SLC7A8: variants seen among roughly 807,000 people sequenced by gnomAD.
SLC7A8 encodes large neutral amino acids transporter small subunit 2.
A neutral mutation model predicts 51.2 loss-of-function variants in SLC7A8; 30 were observed. That is an observed-to-expected ratio of 0.59 (90% confidence interval 0.44 to 0.80). SLC7A8 has a LOEUF of 0.80. Among genes scored for constraint, SLC7A8 ranks in the 30% least tolerant of loss-of-function variants. The pLI is 0.00. For missense variants in SLC7A8, 612 were observed against 674.4 expected, an observed-to-expected ratio of 0.91 and a Z score of 1.03; for synonymous variants, 257 against 275.8, an observed-to-expected ratio of 0.93 and a Z score of 0.67.
intron 9 of SLC7A8, 25 bp downstream of exon 9, chr14:23,129,625 G>A (rs1411872008): frequency 6.2e-7 from 1 of 1,611,842 alleles, no homozygotes; most frequent in Non-Finnish European, 8.5e-7. Flanking sequence ...GAAGGGGAGG[G>A]GACCCCAAAG....
intron 3 of SLC7A8, among the ~76,000 whole-genome samples, chr14:23,164,217 A>C (rs2048937569): frequency 6.6e-6 from 1 of 152,254 alleles, no homozygotes; most frequent in South Asian, 2.1e-4. Context: ...TAGAAAACTC[A>C]TCAAGGGCAG....
At chr14:23,178,286 G>A (rs1877009101) in intron 1 of SLC7A8, among the ~76,000 whole-genome samples, 1 of 152,210 alleles carries the variant, frequency 6.6e-6, no homozygotes, top group South Asian at 2.1e-4. Context: ...ACTTTGGGGG[G>A]AACTCCACGT....
chr14:23,129,963 C>T (rs1366920414), intron 8 of SLC7A8, 164 bp from the exon 9 acceptor site: 2 of 677,596 alleles, frequency 3.0e-6, no homozygotes, highest in Non-Finnish European at 4.9e-6. Flanking sequence ...TATGTTACAA[C>T]ATCTTTATTG....
rs1555305763 is a variant in SLC7A8 at position 23,165,612 on chromosome 14, A to AACG, written c.357-177_357-176insCGT. Among the ~76,000 whole-genome samples the AACG allele has an allele frequency of 6.6e-6, 1 of 152,140 alleles. No individual in the cohort carries two copies. The highest frequency in any genetic ancestry group is 1.5e-5 in the Non-Finnish European group (1 of 68,052). The stretch of plus-strand genomic sequence containing the variant: ...CTCTGCAGTGACAATAAAATGGTTT[A>AACG]ATGAAGAGTTAAATTTCCACAAGCA... On this transcript the variant is annotated intron_variant, in intron 2 of 10. Transcript: ENST00000316902. The surrounding 1 kb of genome is among the most constrained non-coding windows in gnomAD (Gnocchi z 4.2).
In SLC7A8 at chr14:23,126,805, T is replaced by G. The variant is rs75155946; in HGVS notation, c.*372A>C. ...CCCCCACAATGCAGCTCCTGTGGCC[T>G]CTCCTCTCTGAAGGGGCCTCCCTGG... On this transcript the variant is annotated 3_prime_UTR_variant, in exon 11 of 11. Coordinates refer to ENST00000316902, the MANE Select transcript of SLC7A8 (RefSeq NM_012244.4). 5.0e-4 allele frequency: 142 copies of G among 284,220 alleles called. No individual in the cohort carries two copies. The East Asian group carries it at 0.011, about 22-fold the overall frequency. 17.6% of individuals were successfully genotyped at this position (284,220 alleles called of 1,614,324 possible). A position where few individuals can be genotyped will look rare whatever the true frequency, so the allele number is the denominator to read the frequency against.
At chr14:23,127,691 C>T (rs560752944) in intron 10 of SLC7A8, among the ~76,000 whole-genome samples, 3 of 152,192 alleles carry the variant, frequency 2.0e-5, no homozygotes, top group Non-Finnish European at 4.4e-5. Context: ...CTATGTCGAC[C>T]AGGCTGGTCT....
At chr14:23,178,053 C>T (rs1450960625) in intron 1 of SLC7A8, among the ~76,000 whole-genome samples, 1 of 152,142 alleles carries the variant, frequency 6.6e-6, no homozygotes, top group Non-Finnish European at 1.5e-5. Context: ...GTTGTGTGAC[C>T]TTCAGCAAAG....
At chr14:23,131,966 T>C (rs1293924751) in intron 7 of SLC7A8, among the ~76,000 whole-genome samples, 1 of 151,948 alleles carries the variant, frequency 6.6e-6, no homozygotes, top group Non-Finnish European at 1.5e-5. Context: ...ACACTGGGAC[T>C]GAACTGCATA....
intron 6 of SLC7A8, among the ~76,000 whole-genome samples, chr14:23,138,632 C>G (rs1168427523): frequency 1.3e-5 from 2 of 152,200 alleles, no homozygotes; most frequent in Admixed American, 6.5e-5. Context: ...GAATGAGCCC[C>G]TCCTTAGTCT....
intron 7 of SLC7A8, among the ~76,000 whole-genome samples, chr14:23,133,440 C>CAA (rs10577714): frequency 3.2e-4 from 30 of 93,018 alleles, no homozygotes; most frequent in African/African-American, 8.7e-4. Context: ...GAACCTGTCT[C>CAA]AAAAAAAAAA....
At chr14:23,169,328 A>G (rs1352974213) in intron 1 of SLC7A8, among the ~76,000 whole-genome samples, 5 of 152,206 alleles carry the variant, frequency 3.3e-5, no homozygotes, top group East Asian at 3.8e-4. Flanking sequence ...ACTGCACTCT[A>G]GTGACAGAGC....
chr14:23,153,164 G>T (rs1027302603), intron 3 of SLC7A8, among the ~76,000 whole-genome samples: 7 of 152,144 alleles, frequency 4.6e-5, no homozygotes, highest in Non-Finnish European at 1.0e-4. Context: ...CCAGGCTGAA[G>T]TGCAGTGGCA....
intron 3 of SLC7A8, chr14:23,155,392 C>T: frequency 6.7e-7 from 1 of 1,486,446 alleles, no homozygotes; most frequent in Non-Finnish European, 8.9e-7. Context: ...CTCTCTCTTC[C>T]CCTTCCTTCT....
At chr14:23,169,262 G>T (rs962746420) in intron 1 of SLC7A8, among the ~76,000 whole-genome samples, 1 of 152,170 alleles carries the variant, frequency 6.6e-6, no homozygotes. Context: ...AGAGGCTGAG[G>T]TGGGAGGACT....
intron 1 of SLC7A8, among the ~76,000 whole-genome samples, chr14:23,180,186 G>C (rs8010982): frequency 2.0e-5 from 3 of 151,992 alleles, no homozygotes; most frequent in Non-Finnish European, 2.9e-5. Flanking sequence ...GATTACAGGT[G>C]TGAGCCACCG....
chr14:23,158,415 G>A (rs1254100501), intron 3 of SLC7A8, among the ~76,000 whole-genome samples: 2 of 152,124 alleles, frequency 1.3e-5, no homozygotes, highest in African/African-American at 2.4e-5. Flanking sequence ...GCGCAATCTC[G>A]GCTCACTGCA....
rs2048720928 is a variant in SLC7A8, at chr14:23,139,410, C to CT, written c.912+13dup. Reference sequence around the variant, plus strand: ...GCATTCCTGGTATGAGACTCTGGGACTTTCATTTCTTACCACAGCGACGGC... The same window carrying CT: ...GCATTCCTGGTATGAGACTCTGGGACTTTTCATTTCTTACCACAGCGACGGC... On this transcript the variant is annotated intron_variant, in intron 6 of 10. Coordinates refer to ENST00000316902, the MANE Select transcript of SLC7A8 (RefSeq NM_012244.4). 6.2e-7 allele frequency: 1 copy of CT among 1,613,666 alleles called. No individual in the cohort carries two copies. Among genetic ancestry groups the CT allele is most frequent in the Non-Finnish European group, 8.5e-7 (1 of 1,179,806 alleles).
intron 10 of SLC7A8, among the ~76,000 whole-genome samples, chr14:23,127,687 C>T (rs1281005278): frequency 6.6e-6 from 1 of 152,146 alleles, no homozygotes; most frequent in Non-Finnish European, 1.5e-5. Flanking sequence ...CTTGCTATGT[C>T]GACCAGGCTG....
chr14:23,151,746 T>C (rs1448938440), intron 3 of SLC7A8, among the ~76,000 whole-genome samples: 1 of 70,660 alleles, frequency 1.4e-5, no homozygotes, highest in Non-Finnish European at 2.7e-5. Flanking sequence ...TAACCCTGTC[T>C]CTTAAAAAAA....
Sources: gnomAD v4.1 joint callset for allele counts (sites outside exome capture counted in the v4.1 genomes callset) on GRCh38, gnomAD v4.1.1 for gene constraint, Gnocchi (gnomAD v3.1) non-coding constraint, MANE v1.5 for transcripts, NCBI Gene and HGNC (gene_info 2026-07-23, HGNC 2026-07-21) for gene names.